Variants in HDAC8 observed in about 807,000 individuals in gnomAD.
HDAC8 encodes histone deacetylase-like 1.
HDAC8 carries 1 observed loss-of-function variant against 32.2 expected under a neutral mutation model. The observed-to-expected ratio is 0.03, with a 90% CI of 0.01 to 0.15. The LOEUF (loss-of-function observed/expected upper bound fraction) is 0.15, where lower values mean the gene tolerates loss of function less well. Ranked by LOEUF, HDAC8 falls within the 10% of genes least tolerant of loss-of-function variation. HDAC8 has a pLI of 1.00. For missense variants in HDAC8, 117 were observed against 300.0 expected (o/e 0.39, Z 4.51); for synonymous variants, 108 against 113.9 (o/e 0.95, Z 0.33).
At chrX:72,541,204 A>G (rs1177468885) in intron 4 of HDAC8, among the ~76,000 whole-genome samples, 5 of 109,362 alleles carry the variant, frequency 4.6e-5, no homozygotes, top group African/African-American at 1.3e-4. Context: ...TGGTTAGGGA[A>G]GGCCTCAGTG....
At chrX:72,496,955 A>C (rs1298526539) in intron 4 of HDAC8, among the ~76,000 whole-genome samples, 1 of 111,998 alleles carries the variant, frequency 8.9e-6, no homozygotes, top group Non-Finnish European at 1.9e-5. Flanking sequence ...GTGATGGTTA[A>C]GAAACCCTCC....
At chrX:72,568,293 C>A (rs1187166256) in intron 3 of HDAC8, among the ~76,000 whole-genome samples, 2 of 112,216 alleles carry the variant, frequency 1.8e-5, no homozygotes, top group Non-Finnish European at 3.8e-5. Flanking sequence ...AGTGGTCACA[C>A]AGAGCCAGGC....
rs782483225 is a variant in HDAC8 at position 72,361,719 on chromosome X, C to CAA, written c.1006-9883_1006-9882dup. On this transcript the variant is annotated intron_variant, in intron 9 of 10. Transcript: ENST00000373573. ...TAGGCCCTGGGGGCAAGCTGAGTACCAAAAAAAAAAAAAAATAAGGTCTGG... is the reference window on the plus strand; with the variant it reads ...TAGGCCCTGGGGGCAAGCTGAGTACCAAAAAAAAAAAAAAAAATAAGGTCTGG... Among the ~76,000 whole-genome samples, 326 of 81,906 alleles carry CAA rather than the reference C, an allele frequency of 4.0e-3. 1 individual carries two copies. Among genetic ancestry groups the CAA allele is most frequent in the African/African-American group, 0.012 (278 of 23,571 alleles). 71.1% of individuals were successfully genotyped at this position (81,906 alleles called of 115,157 possible).
intron 9 of HDAC8, among the ~76,000 whole-genome samples, chrX:72,392,434 C>T (rs1024264427): frequency 8.9e-6 from 1 of 111,746 alleles, no homozygotes; most frequent in Non-Finnish European, 1.9e-5. Context: ...GGAGATCATT[C>T]ATGCCCCTCT....
intron 9 of HDAC8, among the ~76,000 whole-genome samples, chrX:72,354,814 T>A (rs2044284447): frequency 8.9e-6 from 1 of 112,172 alleles, no homozygotes; most frequent in South Asian, 3.7e-4. Flanking sequence ...CATTTCCACC[T>A]GACGATGACA....
intron 9 of HDAC8, among the ~76,000 whole-genome samples, chrX:72,416,476 TTC>T (rs2046346572): frequency 2.1e-5 from 2 of 97,324 alleles, no homozygotes; most frequent in African/African-American, 3.7e-5. Context: ...GTAAATTTTT[TTC>T]ATGTTTTTGA....
intron 9 of HDAC8, among the ~76,000 whole-genome samples, chrX:72,367,671 C>A (rs1162088810): frequency 8.9e-6 from 1 of 112,435 alleles, no homozygotes; most frequent in East Asian, 2.8e-4. Context: ...TGATTTATCA[C>A]CTTGCCACAC....
At chrX:72,410,588 A>C (rs1332004260) in intron 9 of HDAC8, among the ~76,000 whole-genome samples, 5 of 112,018 alleles carry the variant, frequency 4.5e-5, no homozygotes, top group African/African-American at 1.3e-4. Flanking sequence ...TAGTTTCCTC[A>C]GCAGTAAAAC....
intron 2 of HDAC8, among the ~76,000 whole-genome samples, chrX:72,571,338 A>T (rs952807927): frequency 6.3e-5 from 7 of 110,562 alleles, no homozygotes; most frequent in Non-Finnish European, 1.1e-4. Flanking sequence ...GAATGAAACG[A>T]AATCAAAAGA....
intron 4 of HDAC8, among the ~76,000 whole-genome samples, chrX:72,549,502 C>T (rs1352947661): frequency 9.0e-6 from 1 of 111,572 alleles, no homozygotes; most frequent in Non-Finnish European, 1.9e-5. Flanking sequence ...GTTAGAAATG[C>T]AGATTCCTAG....
intron 9 of HDAC8, among the ~76,000 whole-genome samples, chrX:72,393,719 C>T (rs2045678115): frequency 9.0e-6 from 1 of 111,526 alleles, no homozygotes; most frequent in Non-Finnish European, 1.9e-5. Flanking sequence ...CCCCACTCCC[C>T]GATGCCCTGG....
At chrX:72,554,656 C>T (rs1256709944) in intron 4 of HDAC8, among the ~76,000 whole-genome samples, 1 of 111,495 alleles carries the variant, frequency 9.0e-6, no homozygotes, top group African/African-American at 3.3e-5. Flanking sequence ...GCAGAGGCAG[C>T]CATAATCCCC....
intron 4 of HDAC8, among the ~76,000 whole-genome samples, chrX:72,565,286 TG>T (rs2051737726): frequency 1.8e-5 from 2 of 112,236 alleles, no homozygotes; most frequent in Admixed American, 1.9e-4. Flanking sequence ...GCAAATATTG[TG>T]ATTATAATAG....
At chrX:72,570,606 C>CAAA (rs200815195) in intron 2 of HDAC8, among the ~76,000 whole-genome samples, 8 of 48,150 alleles carry the variant, frequency 1.7e-4, no homozygotes, top group African/African-American at 5.6e-4. Flanking sequence ...AAGACTCCAT[C>CAAA]AAAAAAAAAA....
intron 9 of HDAC8, among the ~76,000 whole-genome samples, chrX:72,412,129 C>T (rs1392079026): frequency 3.6e-5 from 4 of 111,699 alleles, no homozygotes; most frequent in African/African-American, 1.3e-4. Flanking sequence ...TTTCAGTCCA[C>T]AATGAAATAA....
chrX:72,500,766 C>G (rs1418670101), intron 4 of HDAC8, among the ~76,000 whole-genome samples: 1 of 111,629 alleles, frequency 9.0e-6, no homozygotes, highest in Non-Finnish European at 1.9e-5. Context: ...ATTGGAAGTC[C>G]CGGTCAGAGC....
At chrX:72,440,402 A>G (rs1230892604) in intron 9 of HDAC8, among the ~76,000 whole-genome samples, 1 of 111,579 alleles carries the variant, frequency 9.0e-6, no homozygotes, top group Non-Finnish European at 1.9e-5. Flanking sequence ...CCCTAACATC[A>G]CAATTAAAAC....
chrX:72,406,615 T>C (rs1555968844), intron 9 of HDAC8, among the ~76,000 whole-genome samples: 1 of 112,231 alleles, frequency 8.9e-6, no homozygotes, highest in Non-Finnish European at 1.9e-5. Flanking sequence ...CCAAACCTAG[T>C]TGCAGGCTGG....
chrX:72,524,134 TA>T (rs1556030382), intron 4 of HDAC8, among the ~76,000 whole-genome samples: 1 of 112,530 alleles, frequency 8.9e-6, no homozygotes, highest in Non-Finnish European at 1.9e-5. Flanking sequence ...CTGTGAAGTC[TA>T]AAATACTAGC....
Sources: allele counts gnomAD v4.1 joint callset (sites outside exome capture counted in the v4.1 genomes callset), GRCh38; gene constraint gnomAD v4.1.1; transcripts MANE v1.5; gene names NCBI Gene and HGNC (gene_info 2026-07-23, HGNC 2026-07-21).